The following IL1RAPL1 variants were observed in gnomAD, a reference collection of about 807,000 sequenced individuals.
The protein encoded by IL1RAPL1 is interleukin 1 receptor accessory protein like 1.
Under a neutral mutation model 48.4 loss-of-function variants are expected in IL1RAPL1, and 3 were observed. The observed-to-expected ratio is 0.06, with a 90% CI of 0.03 to 0.16. IL1RAPL1 has a LOEUF of 0.16. Among genes scored for constraint, IL1RAPL1 ranks in the 10% least tolerant of loss-of-function variants. The pLI is 1.00. For missense variants in IL1RAPL1, 349 were observed against 530.6 expected (o/e 0.66, Z 3.36); for synonymous variants, 185 against 187.7 (o/e 0.99, Z 0.12).
At chrX:29,778,728 C>T (rs985887574) in intron 6 of IL1RAPL1, among the ~76,000 whole-genome samples, 3 of 112,107 alleles carry the variant, frequency 2.7e-5, no homozygotes, top group Non-Finnish European at 5.6e-5. Flanking sequence ...CATGCCTTAA[C>T]TACCAACAGC....
rs759988541 is a variant in IL1RAPL1, at chrX:29,456,849, C to A, written c.703+57541C>A. Reference sequence around the variant, plus strand: ...ATTGTTTTATGGAAGAATTTTGAGCCCAAGCTGGTACGGTAGCTTACTCCT... The same window carrying A: ...ATTGTTTTATGGAAGAATTTTGAGCACAAGCTGGTACGGTAGCTTACTCCT... On this transcript the variant is annotated intron_variant, in intron 5 of 10. Transcript: ENST00000378993. 1.4e-4 allele frequency among the ~76,000 whole-genome samples: 16 copies of A among 111,430 alleles called. No individual in the cohort carries two copies. In the East Asian group the frequency reaches 4.2e-3, roughly 29 times the overall value.
chrX:29,799,023 G>T (rs1158178789), intron 6 of IL1RAPL1, among the ~76,000 whole-genome samples: 1 of 111,832 alleles, frequency 8.9e-6, no homozygotes, highest in Non-Finnish European at 1.9e-5. Context: ...GTTGTTAGAC[G>T]TAAGATAAAT....
intron 2 of IL1RAPL1, among the ~76,000 whole-genome samples, chrX:29,110,283 G>A (rs1425699001): frequency 8.9e-6 from 1 of 111,796 alleles, no homozygotes; most frequent in Non-Finnish European, 1.9e-5. Flanking sequence ...GATTTTTAAA[G>A]GGTCTTTATC....
At chrX:29,324,838 C>A (rs185567755) in intron 3 of IL1RAPL1, among the ~76,000 whole-genome samples, 1 of 111,221 alleles carries the variant, frequency 9.0e-6, no homozygotes, top group Admixed American at 9.6e-5. Flanking sequence ...TCAATATAAT[C>A]AATGTGATCA....
At chrX:29,444,029 A>T (rs1379410670) in intron 5 of IL1RAPL1, among the ~76,000 whole-genome samples, 1 of 112,577 alleles carries the variant, frequency 8.9e-6, no homozygotes, top group Non-Finnish European at 1.9e-5. Context: ...TGTTAGAAGA[A>T]GTTGCAACAA....
At chrX:28,980,702 T>A (rs1010029522) in intron 2 of IL1RAPL1, among the ~76,000 whole-genome samples, 63 of 111,118 alleles carry the variant, frequency 5.7e-4, no homozygotes, top group Admixed American at 1.5e-3. Context: ...AATTTTTTTT[T>A]ATTTTGTACA....
chrX:29,020,468 T>C (rs940771965), intron 2 of IL1RAPL1, among the ~76,000 whole-genome samples: 6 of 112,752 alleles, frequency 5.3e-5, no homozygotes, highest in Non-Finnish European at 1.1e-4. Context: ...AGCAATAGGC[T>C]ATCTCACAGA....
chrX:29,899,624 G>T (rs12834808), intron 6 of IL1RAPL1, among the ~76,000 whole-genome samples: 1 of 107,075 alleles, frequency 9.3e-6, no homozygotes, highest in Non-Finnish European at 1.9e-5. Flanking sequence ...GCTCACTGCA[G>T]CCTCCCCCTC....
chrX:29,359,680 A>T (rs1853663414), intron 3 of IL1RAPL1, among the ~76,000 whole-genome samples: 1 of 111,626 alleles, frequency 9.0e-6, no homozygotes, highest in Non-Finnish European at 1.9e-5. Flanking sequence ...TCTTCATAGG[A>T]TCCCTCTCAA....
At chrX:29,042,106 C>A (rs1169589426) in intron 2 of IL1RAPL1, among the ~76,000 whole-genome samples, 1 of 111,644 alleles carries the variant, frequency 9.0e-6, no homozygotes, top group African/African-American at 3.3e-5. Flanking sequence ...ACCAGTTTAC[C>A]CCTACTAGCT....
intron 2 of IL1RAPL1, among the ~76,000 whole-genome samples, chrX:28,926,846 A>G (rs1251467221): frequency 9.0e-6 from 1 of 110,742 alleles, no homozygotes; most frequent in African/African-American, 3.3e-5. Flanking sequence ...TCATTTTTTC[A>G]TCTGCAAATC....
chrX:28,978,428 A>G (rs1341452300), intron 2 of IL1RAPL1, among the ~76,000 whole-genome samples: 1 of 112,009 alleles, frequency 8.9e-6, no homozygotes, highest in Non-Finnish European at 1.9e-5. Flanking sequence ...AGAGAATAAA[A>G]TAGCCATTCA....
chrX:29,803,418 T>TACAC (rs1275420596), intron 6 of IL1RAPL1, among the ~76,000 whole-genome samples: 6 of 95,689 alleles, frequency 6.3e-5, no homozygotes, highest in African/African-American at 2.3e-4. Flanking sequence ...TATATGTGTA[T>TACAC]ATGTGTATAT....
intron 8 of IL1RAPL1, among the ~76,000 whole-genome samples, chrX:29,921,505 A>G (rs1189735140): frequency 8.9e-6 from 1 of 112,306 alleles, no homozygotes; most frequent in Non-Finnish European, 1.9e-5. Flanking sequence ...GGAGAAAGGT[A>G]TGCAGCAGCT....
intron 2 of IL1RAPL1, among the ~76,000 whole-genome samples, chrX:28,792,818 T>TAA (rs1936563585): frequency 6.3e-5 from 2 of 31,968 alleles, no homozygotes; most frequent in Admixed American, 3.5e-4. Flanking sequence ...AAAAAAAAAA[T>TAA]ATATATATAT....
intron 5 of IL1RAPL1, among the ~76,000 whole-genome samples, chrX:29,445,813 AG>A (rs1401538888): frequency 1.8e-5 from 2 of 111,775 alleles, no homozygotes; most frequent in East Asian, 5.6e-4. Flanking sequence ...AGCCCTGAAA[AG>A]CTTATGGCCT....
chrX:29,475,422 C>T (rs766557914), intron 5 of IL1RAPL1, among the ~76,000 whole-genome samples: 1 of 111,858 alleles, frequency 8.9e-6, no homozygotes, highest in Non-Finnish European at 1.9e-5. Context: ...GAAAATTTCA[C>T]CTCTGCACCA....
At chrX:29,308,485 AAAG>A in intron 3 of IL1RAPL1, among the ~76,000 whole-genome samples, 1 of 112,026 alleles carries the variant, frequency 8.9e-6, no homozygotes. Context: ...GCTAATAACA[AAAG>A]AAGGGAGAAA....
At chrX:29,347,709 A>C (rs1339303819) in intron 3 of IL1RAPL1, among the ~76,000 whole-genome samples, 3 of 111,328 alleles carry the variant, frequency 2.7e-5, no homozygotes, top group Non-Finnish European at 5.7e-5. Context: ...TTAAGTTGAG[A>C]ATTTTTACTT....
Sources: allele counts gnomAD v4.1 joint callset (sites outside exome capture counted in the v4.1 genomes callset), GRCh38; gene constraint gnomAD v4.1.1; transcripts MANE v1.5; gene names NCBI Gene and HGNC (gene_info 2026-07-23, HGNC 2026-07-21).